The following PDLIM4 variants were observed in gnomAD, a reference collection of about 807,000 sequenced individuals.
PDLIM4 encodes PDZ and LIM domain 4.
In PDLIM4, 19 loss-of-function variants were observed where a neutral mutation model predicts 31.3. The ratio of observed to expected loss-of-function variants is 0.61; its 90% CI spans 0.42 to 0.89. The LOEUF (loss-of-function observed/expected upper bound fraction) is 0.89, where lower values mean the gene tolerates loss of function less well. Ranked by LOEUF, PDLIM4 falls within the 40% of genes least tolerant of loss-of-function variation. The pLI is 0.00. For missense variants in PDLIM4, 442 were observed against 461.1 expected, an observed-to-expected ratio of 0.96 and a Z score of 0.38; for synonymous variants, 176 against 190.1, an observed-to-expected ratio of 0.93 and a Z score of 0.61.
intron 3 of PDLIM4, among the ~76,000 whole-genome samples, chr5:132,269,705 G>A (rs1256015853): frequency 6.6e-6 from 1 of 152,074 alleles, no homozygotes; most frequent in African/African-American, 2.4e-5. Context: ...CACTACGATA[G>A]GCATCCTTTC....
chr5:132,265,743 T>C (rs920544803), intron 2 of PDLIM4, among the ~76,000 whole-genome samples: 2 of 152,162 alleles, frequency 1.3e-5, no homozygotes, highest in African/African-American at 4.8e-5. Flanking sequence ...CAGTCCAGGG[T>C]CCATGCCCCT....
At chr5:132,262,217 G>C (rs1756389494) in intron 1 of PDLIM4, among the ~76,000 whole-genome samples, 1 of 152,116 alleles carries the variant, frequency 6.6e-6, no homozygotes, top group Non-Finnish European at 1.5e-5. Context: ...GTCTGGTTGG[G>C]GCCTTGTCTG....
At position 132,261,763 on chromosome 5, in the gene PDLIM4, C is replaced by T. The variant is rs192477789; in HGVS notation, c.94-846C>T. Among the ~76,000 whole-genome samples, 166 of 152,300 alleles carry T rather than the reference C, an allele frequency of 1.1e-3. 1 individual carries two copies. The highest frequency in any genetic ancestry group is 3.9e-3 in the African/African-American group (161 of 41,552). On this transcript the variant is annotated intron_variant, in intron 1 of 6. Coordinates refer to ENST00000253754, the MANE Select transcript of PDLIM4 (RefSeq NM_003687.4). ...CACTGAGGTAGCCTGAGTTCCTGTC[C>T]TGCAGGGGAAGTAGAGGTAGAATTC... is the stretch of plus-strand genomic sequence containing the variant.
intron 2 of PDLIM4, among the ~76,000 whole-genome samples, chr5:132,264,013 G>A (rs1756434744): frequency 6.6e-6 from 1 of 152,216 alleles, no homozygotes; most frequent in Non-Finnish European, 1.5e-5. Flanking sequence ...GGAAATGTCA[G>A]CATTGCTCTG....
chr5:132,259,720 G>A (rs1174960922), intron 1 of PDLIM4, among the ~76,000 whole-genome samples: 1 of 152,194 alleles, frequency 6.6e-6, no homozygotes, highest in Non-Finnish European at 1.5e-5. Context: ...GCGGGACCTG[G>A]TAGGGAGGGA....
chr5:132,264,546 G>T (rs867190960), intron 2 of PDLIM4, among the ~76,000 whole-genome samples: 4 of 152,042 alleles, frequency 2.6e-5, no homozygotes, highest in Admixed American at 6.6e-5. Flanking sequence ...GATGTACCAG[G>T]CCTGCTCAGT....
At chr5:132,260,134 G>C (rs1428003266) in intron 1 of PDLIM4, among the ~76,000 whole-genome samples, 1 of 152,216 alleles carries the variant, frequency 6.6e-6, no homozygotes, top group Non-Finnish European at 1.5e-5. Context: ...GCAGTCTGCA[G>C]TTTGCTGTGA....
intron 1 of PDLIM4, among the ~76,000 whole-genome samples, chr5:132,260,166 C>T (rs528812790): frequency 2.1e-4 from 32 of 152,306 alleles, no homozygotes; most frequent in African/African-American, 7.2e-4. Context: ...AATGTGGCAC[C>T]TGGTTCTGAC....
At chr5:132,266,265 T>C (rs1340084953) in intron 2 of PDLIM4, among the ~76,000 whole-genome samples, 199 bp from the exon 3 acceptor site, 1 of 152,132 alleles carries the variant, frequency 6.6e-6, no homozygotes, top group Non-Finnish European at 1.5e-5. Context: ...CAGAAGCATA[T>C]AGCCCTACCC....
intron 3 of PDLIM4, among the ~76,000 whole-genome samples, chr5:132,267,275 G>T (rs947598061): frequency 6.6e-6 from 1 of 152,174 alleles, no homozygotes; most frequent in Non-Finnish European, 1.5e-5. Flanking sequence ...TTGCCTCCTG[G>T]GCCTGCCTTT....
chr5:132,262,210 T>G (rs1370890928), intron 1 of PDLIM4, among the ~76,000 whole-genome samples: 3 of 152,192 alleles, frequency 2.0e-5, no homozygotes, highest in African/African-American at 7.2e-5. Flanking sequence ...GTAGTCTGTC[T>G]GGTTGGGGCC....
rs1055879718 is a variant in PDLIM4, at chr5:132,272,562, G to A, written c.*333G>A. The A allele has an allele frequency of 7.8e-6, 3 of 385,148 alleles. No individual in the cohort carries two copies. Among genetic ancestry groups the A allele is most frequent in the South Asian group, 2.4e-5 (1 of 41,734 alleles). 23.9% of individuals were successfully genotyped at this position (385,148 alleles called of 1,614,324 possible). ...TCTGGGATGCTGCGTGCGGCGCGAC[G>A]ACAGGAGGTATGACCTGGGTGGGGT... On this transcript the variant is annotated 3_prime_UTR_variant, in exon 7 of 7. Coordinates refer to ENST00000253754, the MANE Select transcript of PDLIM4 (RefSeq NM_003687.4).
intron 3 of PDLIM4, among the ~76,000 whole-genome samples, chr5:132,269,883 C>G (rs1756567860): frequency 6.6e-6 from 1 of 152,190 alleles, no homozygotes. Context: ...TATGGCCATT[C>G]CCAGGGTGAC....
Position 132,267,500 on chromosome 5 carries a change from G to T in PDLIM4, c.327+955G>T, listed in dbSNP as rs141518415. Among the ~76,000 whole-genome samples, 17 of 152,340 alleles carry T rather than the reference G, an allele frequency of 1.1e-4. No individual in the cohort carries two copies. In the East Asian group the frequency reaches 3.1e-3, roughly 28 times the overall value. On this transcript the variant is annotated intron_variant, in intron 3 of 6. Transcript: ENST00000253754. ...AGGGGAAAGGCACTTAGAAGTTCTG[G>T]GCTAGGGGAAGCCAGGGGCCAAAGG...
intron 1 of PDLIM4, among the ~76,000 whole-genome samples, chr5:132,261,844 G>T (rs1756382847): frequency 6.6e-6 from 1 of 152,212 alleles, no homozygotes; most frequent in Non-Finnish European, 1.5e-5. Context: ...CTTGCTCAGG[G>T]AGGTGATGTT....
intron 5 of PDLIM4, 149 bp downstream of exon 5, chr5:132,271,615 G>T (rs762822899): frequency 5.2e-5 from 51 of 971,688 alleles, no homozygotes; most frequent in African/African-American, 4.6e-4. Flanking sequence ...ACCTTGCTAC[G>T]CCCTGGCTTC....
intron 4 of PDLIM4, 86 bp downstream of exon 4, chr5:132,271,179 C>A: frequency 6.7e-7 from 1 of 1,501,718 alleles, no homozygotes; most frequent in Non-Finnish European, 9.2e-7. Context: ...ACTCTGACCC[C>A]TGACACTTGA....
chr5:132,265,338 T>A (rs1372984439), intron 2 of PDLIM4, among the ~76,000 whole-genome samples: 2 of 152,208 alleles, frequency 1.3e-5, no homozygotes, highest in African/African-American at 4.8e-5. Flanking sequence ...ACACAAGATG[T>A]CCCAGCTTTA....
intron 3 of PDLIM4, among the ~76,000 whole-genome samples, chr5:132,268,812 G>A (rs10055895): frequency 0.016 from 2,431 of 152,244 alleles, 73 homozygotes; most frequent in African/African-American, 0.056. Flanking sequence ...CCCAAAGCAG[G>A]TAGTTACCCC....
Sources: gnomAD v4.1 joint callset for allele counts (sites outside exome capture counted in the v4.1 genomes callset) on GRCh38, gnomAD v4.1.1 for gene constraint, MANE v1.5 for transcripts, NCBI Gene and HGNC (gene_info 2026-07-23, HGNC 2026-07-21) for gene names.